The following TCF4 variants were observed in gnomAD, a reference collection of about 807,000 sequenced individuals.
TCF4 encodes transcription factor 4.
TCF4 carries 3 observed loss-of-function variants against 82.1 expected under a neutral mutation model. That is an observed-to-expected ratio of 0.04 (90% CI 0.02 to 0.09). TCF4 has a LOEUF of 0.09. Among genes scored for constraint, TCF4 ranks in the 10% least tolerant of loss-of-function variants. The probability of loss-of-function intolerance (pLI) is 1.00; values close to 1 mark genes in which losing one functional copy is unlikely to be tolerated. For synonymous variants in TCF4, 276 were observed against 309.6 expected (o/e 0.89, Z 1.14); for missense variants, 518 against 852.7 (o/e 0.61, Z 4.89).
chr18:55,231,823 T>C (rs1026237985), intron 17 of TCF4: 6 of 152,268 alleles, frequency 3.9e-5, no homozygotes, highest in African/African-American at 1.4e-4. Flanking sequence ...GCTGTAGTCT[T>C]AGGACAATTG....
At chr18:55,595,024 A>G (rs751697559) in intron 2 of TCF4, among the ~76,000 whole-genome samples, 26 of 152,274 alleles carry the variant, frequency 1.7e-4, no homozygotes, top group Middle Eastern at 3.4e-3. Context: ...CTGGATCTCC[A>G]TTCCTGCCCT....
intron 3 of TCF4, among the ~76,000 whole-genome samples, chr18:55,506,857 T>C (rs1371774974): frequency 6.7e-6 from 1 of 149,508 alleles, no homozygotes; most frequent in Non-Finnish European, 1.5e-5. Flanking sequence ...ATGATCTTTC[T>C]TTTTTTTTTC....
At chr18:55,412,181 A>G (rs2094372695) in intron 5 of TCF4, among the ~76,000 whole-genome samples, 1 of 152,200 alleles carries the variant, frequency 6.6e-6, no homozygotes. Context: ...GTAGATAACA[A>G]AAAGTAGATT....
At chr18:55,443,701 G>A (rs1274687230) in intron 5 of TCF4, among the ~76,000 whole-genome samples, 2 of 152,070 alleles carry the variant, frequency 1.3e-5, no homozygotes, top group South Asian at 2.1e-4. Flanking sequence ...TCTTCCATTC[G>A]TCACAGATGA....
At chr18:55,464,166 T>C in intron 3 of TCF4, 29 bp from the exon 4 acceptor site, 1 of 1,604,940 alleles carries the variant, frequency 6.2e-7, no homozygotes, top group Non-Finnish European at 8.5e-7. Flanking sequence ...TTCTTTAGGC[T>C]TTCTTGCAGT....
chr18:55,339,662 C>A (rs143774088), intron 8 of TCF4, among the ~76,000 whole-genome samples: 1 of 152,100 alleles, frequency 6.6e-6, no homozygotes, highest in Non-Finnish European at 1.5e-5. Flanking sequence ...GTGGAGACCA[C>A]GCTTCCGCTC....
chr18:55,289,067 G>C (rs1258562915), intron 8 of TCF4, among the ~76,000 whole-genome samples: 1 of 152,208 alleles, frequency 6.6e-6, no homozygotes, highest in African/African-American at 2.4e-5. Context: ...TGGTGTATCA[G>C]ACGAATGCCC....
At chr18:55,425,399 A>G (rs1218721614) in intron 5 of TCF4, among the ~76,000 whole-genome samples, 2 of 150,814 alleles carry the variant, frequency 1.3e-5, no homozygotes, top group African/African-American at 4.9e-5. Flanking sequence ...GCTCTTCACC[A>G]ATGAATTTGT....
rs540429869 is a variant in TCF4 at position 55,234,375 on chromosome 18, C to A, written c.1486+173G>T. On this transcript the variant is annotated intron_variant, in intron 16 of 19. Transcript: ENST00000354452. ...GAGGAAAACAGTCCCTGGAGAAACA[C>A]AATTAGCGGGCGAAGTTCTAAATAC... 4.7e-5 allele frequency: 40 copies of A among 849,932 alleles called. No individual in the cohort carries two copies. In the African/African-American group the frequency reaches 6.4e-4, roughly 14 times the overall value. 52.6% of individuals were successfully genotyped at this position (849,932 alleles called of 1,614,324 possible). A position where few individuals can be genotyped will look rare whatever the true frequency, so the allele number is the denominator to read the frequency against.
At chr18:55,279,780 A>G (rs1406735320) in intron 8 of TCF4, 124 bp from the exon 9 acceptor site, 31 of 1,442,854 alleles carry the variant, frequency 2.1e-5, no homozygotes, top group Non-Finnish European at 2.9e-5. Flanking sequence ...AAATCTGAAC[A>G]AACCCTAGAA....
At chr18:55,585,637 A>C in intron 2 of TCF4, 1 of 588,470 alleles carries the variant, frequency 1.7e-6, no homozygotes, top group Non-Finnish European at 2.5e-6. Context: ...TGTTATCAAG[A>C]TTCAGGTTGG....
Position 55,228,336 on chromosome 18 carries a change from C to T in TCF4, c.1905G>A (p.Ala635=), listed in dbSNP as rs151150677. 4.9e-4 allele frequency: 792 copies of T among 1,614,134 alleles called. 11 individuals carry two copies. The African/African-American group carries it at 9.3e-3, about 19-fold the overall frequency. ...VRERNLNPKA[A]CLKRREEEKV... ...TCTCTTCCTCCCTTCTTTTCAGACA[C>T]GCAGCTTTCGGATTCAGATTCCTTT... The change falls in exon 19 of 20, where the codon GCG becomes GCA. Residue 635 remains alanine (A), a synonymous_variant. Transcript: ENST00000354452.
intron 6 of TCF4, among the ~76,000 whole-genome samples, chr18:55,388,967 CA>C (rs1053679796): frequency 4.0e-5 from 6 of 150,484 alleles, no homozygotes; most frequent in Middle Eastern, 3.4e-3. Flanking sequence ...ACTAAAAATA[CA>C]AAAAAAAATT....
chr18:55,495,794 T>C (rs1283016630), intron 3 of TCF4: 1 of 152,200 alleles, frequency 6.6e-6, no homozygotes, highest in Non-Finnish European at 1.5e-5. Context: ...CAATATAATC[T>C]AGACCTAAGA....
At chr18:55,335,428 T>C (rs1321167997) in intron 8 of TCF4, among the ~76,000 whole-genome samples, 2 of 152,204 alleles carry the variant, frequency 1.3e-5, no homozygotes, top group Admixed American at 6.5e-5. Context: ...GAGACATTAT[T>C]TCTCCTATGA....
chr18:55,414,637 C>T (rs1312331000), intron 5 of TCF4, among the ~76,000 whole-genome samples: 2 of 152,098 alleles, frequency 1.3e-5, no homozygotes, highest in Non-Finnish European at 1.5e-5. Context: ...TACACAGAGC[C>T]CTGGCCTTCA....
intron 5 of TCF4, among the ~76,000 whole-genome samples, chr18:55,437,171 C>G (rs1023986785): frequency 3.3e-5 from 5 of 152,180 alleles, no homozygotes; most frequent in African/African-American, 1.2e-4. Flanking sequence ...ATGCTGACTT[C>G]CCTCTAATTT....
chr18:55,452,664 A>AAAGTC (rs1230679473), intron 5 of TCF4: 1 of 152,520 alleles, frequency 6.6e-6, no homozygotes, highest in African/African-American at 2.4e-5. Flanking sequence ...AGGCTGGCAG[A>AAAGTC]AAGTCAAGCC....
intron 2 of TCF4, among the ~76,000 whole-genome samples, chr18:55,605,198 T>C (rs963178420): frequency 4.6e-5 from 7 of 152,172 alleles, no homozygotes; most frequent in African/African-American, 1.2e-4. Flanking sequence ...TAGCACAGCA[T>C]GTGGCCTAGA....
Sources: gnomAD v4.1 joint callset for allele counts (sites outside exome capture counted in the v4.1 genomes callset) on GRCh38, gnomAD v4.1.1 for gene constraint, MANE v1.5 for transcripts, NCBI Gene and HGNC (gene_info 2026-07-23, HGNC 2026-07-21) for gene names.